Variants in CDH18 observed in about 807,000 individuals in gnomAD.
CDH18 encodes cadherin 18.
Under a neutral mutation model 67.9 loss-of-function variants are expected in CDH18, and 31 were observed. The ratio of observed to expected loss-of-function variants is 0.46; its 90% CI spans 0.34 to 0.62. CDH18 has a LOEUF of 0.62. Ranked by LOEUF, CDH18 falls within the 20% of genes least tolerant of loss-of-function variation. CDH18 has a pLI of 0.01. For synonymous variants in CDH18, 362 were observed against 347.2 expected, an observed-to-expected ratio of 1.04 and a Z score of -0.48; for missense variants, 890 against 975.5, an observed-to-expected ratio of 0.91 and a Z score of 1.17.
intron 2 of CDH18, among the ~76,000 whole-genome samples, chr5:19,955,116 T>A (rs1255201776): frequency 6.6e-6 from 1 of 152,088 alleles, no homozygotes; most frequent in South Asian, 2.1e-4. Flanking sequence ...GCTTGGCACT[T>A]CTCCTTCCTG....
chr5:20,386,835 CA>C (rs1185727088), intron 1 of CDH18, among the ~76,000 whole-genome samples: 11 of 152,066 alleles, frequency 7.2e-5, no homozygotes, highest in African/African-American at 2.7e-4. Context: ...ACAAAATCCC[CA>C]AATTATGTTT....
intron 1 of CDH18, among the ~76,000 whole-genome samples, chr5:20,350,819 C>T (rs962778031): frequency 1.3e-5 from 2 of 152,034 alleles, no homozygotes; most frequent in South Asian, 4.1e-4. Flanking sequence ...CAAAATGAAG[C>T]TATTCATCTG....
At chr5:20,135,530 T>C (rs1424216442) in intron 2 of CDH18, among the ~76,000 whole-genome samples, 1 of 152,140 alleles carries the variant, frequency 6.6e-6, no homozygotes. Context: ...GTTGATCTTT[T>C]CCAAAAAACC....
chr5:19,804,951 AT>A (rs35396228), intron 3 of CDH18, among the ~76,000 whole-genome samples: 76,805 of 147,808 alleles, frequency 0.52, 20,231 homozygotes, highest in Middle Eastern at 0.66. Context: ...TATTATTATG[AT>A]TTTTTTTTTT....
chr5:20,158,923 C>A (rs944240106), intron 2 of CDH18: 6 of 187,536 alleles, frequency 3.2e-5, no homozygotes, highest in Non-Finnish European at 7.7e-5. Context: ...CACTTGCAAC[C>A]CCAACTATCA....
intron 3 of CDH18, among the ~76,000 whole-genome samples, chr5:19,823,433 A>G (rs533659713): frequency 6.6e-6 from 1 of 152,348 alleles, no homozygotes; most frequent in African/African-American, 2.4e-5. Context: ...ACAAATGTCC[A>G]TGAAATCTTC....
intron 2 of CDH18, among the ~76,000 whole-genome samples, chr5:19,870,742 T>A (rs1010459598): frequency 3.1e-4 from 47 of 152,186 alleles, no homozygotes; most frequent in Middle Eastern, 6.8e-3. Flanking sequence ...ATGCAGATGG[T>A]GGAGATTAGA....
At chr5:19,940,633 G>T (rs145926705) in intron 2 of CDH18, among the ~76,000 whole-genome samples, 313 of 151,822 alleles carry the variant, frequency 2.1e-3, no homozygotes, top group African/African-American at 6.9e-3. Flanking sequence ...TCACTTACTG[G>T]CCTTTGTGGA....
At chr5:19,817,656 G>A (rs1779431631) in intron 3 of CDH18, among the ~76,000 whole-genome samples, 1 of 152,008 alleles carries the variant, frequency 6.6e-6, no homozygotes, top group Non-Finnish European at 1.5e-5. Context: ...ACTTTCCAGT[G>A]AATTACAACA....
intron 3 of CDH18, among the ~76,000 whole-genome samples, chr5:19,758,735 G>C (rs1444750232): frequency 6.6e-6 from 1 of 152,124 alleles, no homozygotes. Flanking sequence ...ATCTTGACAG[G>C]CCCCACACCA....
chr5:20,082,750 G>A (rs980388170), intron 2 of CDH18, among the ~76,000 whole-genome samples: 4 of 152,160 alleles, frequency 2.6e-5, no homozygotes, highest in Admixed American at 2.0e-4. Context: ...TATACAAAGA[G>A]GAGATTTGAA....
chr5:20,254,972 C>T (rs1014740245), intron 2 of CDH18, among the ~76,000 whole-genome samples: 3 of 152,022 alleles, frequency 2.0e-5, no homozygotes, highest in African/African-American at 4.8e-5. Flanking sequence ...TGCAGCAATG[C>T]GAATGGAACT....
chr5:19,708,709 A>G (rs1764279955), intron 5 of CDH18, among the ~76,000 whole-genome samples: 1 of 152,202 alleles, frequency 6.6e-6, no homozygotes, highest in Non-Finnish European at 1.5e-5. Flanking sequence ...GCTGCAGATA[A>G]CTAGCCAGAG....
chr5:19,494,716 G>T (rs1742004453), intron 11 of CDH18, among the ~76,000 whole-genome samples: 1 of 152,134 alleles, frequency 6.6e-6, no homozygotes, highest in South Asian at 2.1e-4. Flanking sequence ...TTTGAGCTCT[G>T]ATTCCCAGAG....
chr5:20,324,827 C>A (rs1460074548), intron 1 of CDH18, among the ~76,000 whole-genome samples: 14 of 152,158 alleles, frequency 9.2e-5, no homozygotes, highest in Admixed American at 8.5e-4. Context: ...AACTTAGTAT[C>A]TATTTATACA....
At chr5:19,670,736 A>G (rs554538088) in intron 5 of CDH18, among the ~76,000 whole-genome samples, 1 of 152,082 alleles carries the variant, frequency 6.6e-6, no homozygotes, top group South Asian at 2.1e-4. Context: ...GAACGACAAG[A>G]TCAACTGGGG....
chr5:19,558,466 G>A (rs1337949766), intron 8 of CDH18, among the ~76,000 whole-genome samples: 3 of 151,700 alleles, frequency 2.0e-5, no homozygotes, highest in African/African-American at 7.3e-5. Context: ...GGAGATAGTA[G>A]AACTGATACC....
chr5:20,273,698 T>A (rs1350793745), intron 1 of CDH18, among the ~76,000 whole-genome samples: 2 of 152,144 alleles, frequency 1.3e-5, no homozygotes, highest in African/African-American at 4.8e-5. Context: ...TCTTGGCTTA[T>A]CCATGTGTGT....
intron 2 of CDH18, among the ~76,000 whole-genome samples, chr5:19,947,413 A>T (rs887229476): frequency 6.6e-6 from 1 of 151,866 alleles, no homozygotes; most frequent in Non-Finnish European, 1.5e-5. Context: ...TATAGGCATG[A>T]TCCATAATAG....
Sources: gnomAD v4.1 joint callset for allele counts (sites outside exome capture counted in the v4.1 genomes callset) on GRCh38, gnomAD v4.1.1 for gene constraint, MANE v1.5 for transcripts, NCBI Gene and HGNC (gene_info 2026-07-23, HGNC 2026-07-21) for gene names.